LMAN1L: variants seen among roughly 807,000 people sequenced by gnomAD.
The protein encoded by LMAN1L is protein ERGIC-53-like.
LMAN1L carries 60 observed loss-of-function variants against 58.3 expected under a neutral mutation model. The ratio of observed to expected loss-of-function variants is 1.03; its 90% CI spans 0.84 to 1.27. The LOEUF (loss-of-function observed/expected upper bound fraction) is 1.27, where lower values mean the gene tolerates loss of function less well. Among genes scored for constraint, LMAN1L ranks in the 50% most tolerant of loss-of-function variants. The probability of loss-of-function intolerance (pLI) is 0.00; values close to 1 mark genes in which losing one functional copy is unlikely to be tolerated. For missense variants in LMAN1L, 629 were observed against 674.0 expected (o/e 0.93, Z 0.74); for synonymous variants, 280 against 271.6 (o/e 1.03, Z -0.31).
intron 6 of LMAN1L, 99 bp downstream of exon 6, chr15:74,819,371 C>T (rs1418805085): frequency 6.9e-7 from 1 of 1,453,932 alleles, no homozygotes; most frequent in African/African-American, 1.4e-5. Context: ...TCAGCCACTT[C>T]ACCACATGAC....
intron 4 of LMAN1L, among the ~76,000 whole-genome samples, chr15:74,818,042 A>G (rs562229693): frequency 6.7e-6 from 1 of 148,584 alleles, no homozygotes; most frequent in Admixed American, 6.7e-5. Flanking sequence ...GAGAGAGAAG[A>G]AGGAGGGACG....
In LMAN1L at chr15:74,824,394, G is replaced by C; in HGVS notation, c.1367G>C (p.Arg456Thr). 1 of 1,613,988 alleles carries C rather than the reference G, an allele frequency of 6.2e-7. No homozygotes were observed. Among genetic ancestry groups the C allele is most frequent in the Non-Finnish European group, 8.5e-7 (1 of 1,179,850 alleles). Residue 456 changes from arginine (R) to threonine (T), a missense_variant, in exon 13 of 14, where the codon AGG (arginine) becomes ACG (threonine). This residue lies in a region of LMAN1L where 573 missense variants were observed against 597.3 expected (regional missense o/e 0.96). Transcript: ENST00000309664. The stretch of plus-strand genomic sequence containing the variant: ...CCCCGCCCACCTGGCCAGCCCCCAA[G>C]GGCCTCCTCGTGCCTGCAGCCTGGC... The part of the protein sequence containing the change: ...KAPRPPGQPP[R>T]ASSCLQPGIF...
intron 13 of LMAN1L, 66 bp downstream of exon 13, chr15:74,824,544 T>G (rs1358587350): frequency 5.7e-6 from 9 of 1,581,248 alleles, no homozygotes; most frequent in Non-Finnish European, 7.8e-6. Flanking sequence ...CTATAACCAT[T>G]GGATTTAGGA....
intron 1 of LMAN1L, among the ~76,000 whole-genome samples, chr15:74,815,017 G>A (rs2063884376): frequency 6.6e-6 from 1 of 152,186 alleles, no homozygotes; most frequent in Admixed American, 6.5e-5. Context: ...AGGGAGCAGA[G>A]GCACCTTCTC....
chr15:74,816,963 T>TG (rs985522983), intron 4 of LMAN1L, among the ~76,000 whole-genome samples: 15 of 152,038 alleles, frequency 9.9e-5, no homozygotes, highest in African/African-American at 3.6e-4. Context: ...CCTCCATAAG[T>TG]GGGGGGTTAT....
Position 74,813,099 on chromosome 15 carries a change from G to A in LMAN1L, c.175+70G>A, listed in dbSNP as rs2063873071. 2.0e-6 allele frequency: 3 copies of A among 1,507,278 alleles called. 1 individual carries two copies. Among genetic ancestry groups the A allele is most frequent in the South Asian group, 2.5e-5 (2 of 80,570 alleles). The allele number at this position is 1,507,278 out of a possible 1,614,324, so 93.4% of individuals were successfully genotyped here. On this transcript the variant is annotated intron_variant, in intron 1 of 13. Coordinates refer to ENST00000309664, the MANE Select transcript of LMAN1L (RefSeq NM_021819.3). ...AGTGCTGGAGGGGCTGTGACTTGGT[G>A]GGGAGTGGGTCTGTCACAGCCATCC...
At chr15:74,819,608 C>CT in intron 6 of LMAN1L, 1 of 488,470 alleles carries the variant, frequency 2.0e-6, no homozygotes, top group Non-Finnish European at 3.6e-6. Context: ...AGCGGGAAAG[C>CT]TGAGGGCAAC....
At chr15:74,818,934 G>A (rs916083942) in intron 5 of LMAN1L, 117 bp downstream of exon 5, 127 of 1,040,012 alleles carry the variant, frequency 1.2e-4, no homozygotes, top group Non-Finnish European at 1.6e-4. Flanking sequence ...TGGCACACAC[G>A]GGCCAACATC....
rs1373513149 is a variant in LMAN1L, at chr15:74,823,680, G to A, written c.1321G>A (p.Ala441Thr). 2 of 1,613,000 alleles carry A rather than the reference G, an allele frequency of 1.2e-6. No homozygotes were observed. Among genetic ancestry groups the A allele is most frequent in the Admixed American group, 1.7e-5 (1 of 60,000 alleles). ...CCTGCAGGAGGAGCTTCGGGGCCCG[G>A]CGGTGAGGGGAAAGTAGTGGGCAGC... ...GLLQEELRGP[A>T]KAAAKAPRPP... The change falls in exon 12 of 14, where the codon GCG becomes ACG. Residue 441 changes from alanine (A) to threonine (T), a missense_variant and splice_region_variant. Physicochemically the swap from Ala to Thr is moderately conservative, Grantham distance 58. Transcript: ENST00000309664.
In LMAN1L at chr15:74,820,087, G is replaced by A; in HGVS notation, c.762G>A (p.Glu254=). ...VLSFLTFSLS[E]PSPEVPPQPF... is the part of the protein sequence containing the mutation. Reference sequence around the variant, plus strand: ...CCTTCCTGACCTTCAGCCTGAGTGAGCCCAGCCCAGAGGTGATGCCAGCCC... The same window carrying A: ...CCTTCCTGACCTTCAGCCTGAGTGAACCCAGCCCAGAGGTGATGCCAGCCC... The change falls in exon 7 of 14, where the codon GAG becomes GAA. Residue 254 remains glutamate (E), a synonymous_variant. Transcript: ENST00000309664. 2 of 1,614,072 alleles carry A rather than the reference G, an allele frequency of 1.2e-6. No individual in the cohort carries two copies. The highest frequency in any genetic ancestry group is 1.7e-6 in the Non-Finnish European group (2 of 1,179,948).
chr15:74,816,614 C>T lies in LMAN1L; in HGVS notation c.439-18C>T. 1.2e-6 allele frequency: 2 copies of T among 1,611,528 alleles called. No individual in the cohort carries two copies. Among genetic ancestry groups the T allele is most frequent in the Non-Finnish European group, 1.7e-6 (2 of 1,178,640 alleles). On this transcript the variant is annotated intron_variant, in intron 3 of 13. Transcript: ENST00000309664. ...CCCGCCATGTCCGCGGCTCAGGCTG[C>T]TTCTCACCTCCCTGCAGGACAGTCC...
intron 12 of LMAN1L, 115 bp downstream of exon 12, chr15:74,823,797 A>G: frequency 1.6e-6 from 2 of 1,263,992 alleles, no homozygotes; most frequent in South Asian, 1.4e-5. Flanking sequence ...CTCCCCTCCC[A>G]GGACTGCTGG....
At chr15:74,825,375 G>T in intron 13 of LMAN1L, 101 bp from the exon 14 acceptor site, 1 of 1,275,770 alleles carries the variant, frequency 7.8e-7, no homozygotes, top group African/African-American at 1.5e-5. Flanking sequence ...AGCGGAGGTT[G>T]TGGTGCAGTG....
At chr15:74,818,576 C>T in intron 4 of LMAN1L, 142 bp from the exon 5 acceptor site, 1 of 670,188 alleles carries the variant, frequency 1.5e-6, no homozygotes, top group Non-Finnish European at 2.7e-6. Flanking sequence ...TGCCTGTAGT[C>T]TCAGCTACTT....
intron 1 of LMAN1L, among the ~76,000 whole-genome samples, chr15:74,814,124 CAAAAAA>C (rs550948566): frequency 1.6e-5 from 1 of 64,114 alleles, no homozygotes; most frequent in Non-Finnish European, 3.4e-5. Flanking sequence ...GACTCTGGCT[CAAAAAA>C]AAAAAAAAAA....
intron 1 of LMAN1L, among the ~76,000 whole-genome samples, chr15:74,814,899 T>TGTTTCTCACAGCACCAAGCTGGGCC (rs1596377561): frequency 6.6e-6 from 1 of 152,232 alleles, no homozygotes; most frequent in East Asian, 1.9e-4. Context: ...AAAGGTGGGC[T>TGTTTCTCACAGCACCAAGCTGGGCC]GTTTCTCACA....
chr15:74,816,225 A>T lies in LMAN1L; in HGVS notation c.244A>T (p.Ser82Cys). The T allele has an allele frequency of 6.3e-7, 1 of 1,588,744 alleles. No homozygotes were observed. ...GAGGAACCGGAGTGGCGCCGTGTGGAGCAGGGCCTCTGTCCCCTTCTCTGC... is the reference window on the plus strand; with the variant it reads ...GAGGAACCGGAGTGGCGCCGTGTGGTGCAGGGCCTCTGTCCCCTTCTCTGC... The part of the protein sequence containing the change: ...SMRNRSGAVW[S>C]RASVPFSAWE... Residue 82 changes from serine to cysteine, a missense_variant, in exon 2 of 14, where the codon AGC becomes TGC. Coordinates refer to ENST00000309664, the MANE Select transcript of LMAN1L (RefSeq NM_021819.3).
chr15:74,819,933 CAA>C (rs1353528959), intron 6 of LMAN1L, 109 bp from the exon 7 acceptor site: 5 of 1,015,096 alleles, frequency 4.9e-6, no homozygotes, highest in African/African-American at 1.6e-5. Context: ...GACGGTGGCC[CAA>C]AGTCACCCCT....
chr15:74,821,044 C>T (rs960422515), intron 8 of LMAN1L, 31 bp from the exon 9 acceptor site: 61 of 1,539,714 alleles, frequency 4.0e-5, no homozygotes, highest in Non-Finnish European at 5.3e-5. Context: ...CCATGGCTGG[C>T]TGCCCATCCC....
Sources: allele counts gnomAD v4.1 joint callset (sites outside exome capture counted in the v4.1 genomes callset), GRCh38; gene constraint gnomAD v4.1.1; regional missense constraint gnomAD v4.1.1; transcripts MANE v1.5; gene names NCBI Gene and HGNC (gene_info 2026-07-23, HGNC 2026-07-21).